LINGO2: variants seen among roughly 807,000 people sequenced by gnomAD.
LINGO2 encodes the protein leucine-rich repeat and immunoglobulin-like domain-containing nogo receptor-interacting protein 2.
A neutral mutation model predicts 30.6 loss-of-function variants in LINGO2; 14 were observed. That is an observed-to-expected ratio of 0.46 (90% confidence interval 0.30 to 0.72). LINGO2 has a LOEUF of 0.72. Among genes scored for constraint, LINGO2 ranks in the 30% least tolerant of loss-of-function variants. The probability of loss-of-function intolerance (pLI) is 0.07; values close to 1 mark genes in which losing one functional copy is unlikely to be tolerated. For missense variants in LINGO2, 729 were observed against 751.7 expected (o/e 0.97, Z 0.35); for synonymous variants, 317 against 288.5 (o/e 1.10, Z -1.00).
intron 2 of LINGO2, among the ~76,000 whole-genome samples, chr9:28,426,410 A>G (rs12002683): frequency 0.3 from 45,783 of 152,008 alleles, 7,875 homozygotes; most frequent in Non-Finnish European, 0.38. Context: ...TTAAAATAAA[A>G]CTATAAATTC....
At chr9:28,799,213 T>G in the LINGO2 span, among the ~76,000 whole-genome samples, 1 of 151,968 alleles carries the variant, frequency 6.6e-6, no homozygotes, top group Non-Finnish European at 1.5e-5. Flanking sequence ...TGAACCAGTA[T>G]GTCAATCATC....
chr9:28,381,224 C>G (rs901861207), intron 2 of LINGO2, among the ~76,000 whole-genome samples: 1 of 151,748 alleles, frequency 6.6e-6, no homozygotes, highest in African/African-American at 2.4e-5. Flanking sequence ...AAAACAAAAA[C>G]AAACAAACAA....
intron 1 of LINGO2, among the ~76,000 whole-genome samples, chr9:28,668,554 A>T (rs1395229120): frequency 6.6e-6 from 1 of 152,062 alleles, no homozygotes; most frequent in Admixed American, 6.5e-5. Context: ...TGATAAAAAA[A>T]AAACCTCCTA....
chr9:28,566,146 GC>G (rs1369675156), intron 1 of LINGO2, among the ~76,000 whole-genome samples: 6 of 152,050 alleles, frequency 3.9e-5, no homozygotes, highest in Admixed American at 3.9e-4. Flanking sequence ...AGTCCTAAAG[GC>G]CCTCTTCTCC....
chr9:28,224,349 C>G (rs970665036), intron 4 of LINGO2, among the ~76,000 whole-genome samples: 1 of 152,170 alleles, frequency 6.6e-6, no homozygotes, highest in Non-Finnish European at 1.5e-5. Context: ...CAGGCGTGAG[C>G]CACCGCACCT....
At chr9:28,335,108 G>T (rs1263199276) in intron 3 of LINGO2, among the ~76,000 whole-genome samples, 1 of 145,228 alleles carries the variant, frequency 6.9e-6, no homozygotes, top group Non-Finnish European at 1.5e-5. Flanking sequence ...TCTTCCTCTA[G>T]TTAGCTGTTA....
At chr9:28,966,622 G>C in the LINGO2 span, among the ~76,000 whole-genome samples, 1 of 152,180 alleles carries the variant, frequency 6.6e-6, no homozygotes, top group East Asian at 1.9e-4. Flanking sequence ...GGTAACTTAT[G>C]TCACTTAGCG....
chr9:28,647,455 G>T (rs1827890473), intron 1 of LINGO2, among the ~76,000 whole-genome samples: 1 of 152,012 alleles, frequency 6.6e-6, no homozygotes, highest in African/African-American at 2.4e-5. Flanking sequence ...CAGTGTTAGT[G>T]ATTTAGAATG....
chr9:28,305,663 T>C (rs1824319261), intron 3 of LINGO2, among the ~76,000 whole-genome samples: 1 of 152,040 alleles, frequency 6.6e-6, no homozygotes, highest in African/African-American at 2.4e-5. Flanking sequence ...ACAACGTACA[T>C]ACAAGATCTG....
the LINGO2 span, among the ~76,000 whole-genome samples, chr9:28,722,119 A>G: frequency 1.3e-5 from 2 of 152,126 alleles, no homozygotes; most frequent in Non-Finnish European, 2.9e-5. Context: ...TTCTGCCTTA[A>G]TTGAGATTAT....
intron 4 of LINGO2, among the ~76,000 whole-genome samples, chr9:28,059,705 C>A (rs1255120443): frequency 6.6e-6 from 1 of 152,040 alleles, no homozygotes; most frequent in Non-Finnish European, 1.5e-5. Context: ...CAATTATGAA[C>A]AGTGTATTGG....
chr9:28,525,791 C>T (rs533722313), intron 1 of LINGO2, among the ~76,000 whole-genome samples: 2 of 152,122 alleles, frequency 1.3e-5, no homozygotes, highest in Admixed American at 1.3e-4. Flanking sequence ...CGCAGTGGCT[C>T]ACGCCTGTAA....
the LINGO2 span, among the ~76,000 whole-genome samples, chr9:29,055,938 G>GTATATATA: frequency 2.0e-5 from 2 of 99,818 alleles, no homozygotes; most frequent in African/African-American, 8.1e-5. Context: ...GTATGTGTGT[G>GTATATATA]TGTATATATA....
chr9:28,090,265 G>C (rs1377319759), intron 4 of LINGO2, among the ~76,000 whole-genome samples: 1 of 152,088 alleles, frequency 6.6e-6, no homozygotes, highest in Non-Finnish European at 1.5e-5. Context: ...AACAAAAAAA[G>C]AGAATTTCAG....
intron 2 of LINGO2, among the ~76,000 whole-genome samples, chr9:28,438,549 A>G (rs1406753576): frequency 6.6e-6 from 1 of 152,078 alleles, no homozygotes; most frequent in Non-Finnish European, 1.5e-5. Context: ...CAGTTTGCAG[A>G]ATGTATATTG....
At chr9:28,302,265 C>G (rs1249652476) in intron 3 of LINGO2, among the ~76,000 whole-genome samples, 1 of 152,200 alleles carries the variant, frequency 6.6e-6, no homozygotes, top group Non-Finnish European at 1.5e-5. Context: ...CCAGGACTTA[C>G]ATTTCATGAA....
chr9:28,858,612 C>G, the LINGO2 span, among the ~76,000 whole-genome samples: 2 of 152,002 alleles, frequency 1.3e-5, no homozygotes, highest in Non-Finnish European at 2.9e-5. Flanking sequence ...CAGATCAGAT[C>G]ACTGGATCAG....
chr9:29,076,352 CAGCA>C, the LINGO2 span, among the ~76,000 whole-genome samples: 3 of 151,780 alleles, frequency 2.0e-5, no homozygotes, highest in Non-Finnish European at 4.4e-5. Context: ...CTTTCTTCAG[CAGCA>C]AGCATTTCCT....
At chr9:28,003,539 A>G (rs1015511936) in intron 5 of LINGO2, among the ~76,000 whole-genome samples, 1 of 152,118 alleles carries the variant, frequency 6.6e-6, no homozygotes, top group Non-Finnish European at 1.5e-5. Flanking sequence ...GCTCACTGCA[A>G]GCTCCGCCTC....
Sources: allele counts gnomAD v4.1 joint callset (sites outside exome capture counted in the v4.1 genomes callset), GRCh38; gene constraint gnomAD v4.1.1; transcripts MANE v1.5; gene names NCBI Gene and HGNC (gene_info 2026-07-23, HGNC 2026-07-21).